The following CLASP1 variants were observed in gnomAD, a reference collection of about 807,000 sequenced individuals.
CLASP1 encodes cytoplasmic linker associated protein 1, also known as CLIP-associating protein 1.
A neutral mutation model predicts 192.3 loss-of-function variants in CLASP1; 38 were observed. The ratio of observed to expected loss-of-function variants is 0.20; its 90% confidence interval spans 0.15 to 0.26. The LOEUF (loss-of-function observed/expected upper bound fraction) is 0.26, where lower values mean the gene tolerates loss of function less well. Ranked by LOEUF, CLASP1 falls within the 10% of genes least tolerant of loss-of-function variation. CLASP1 has a pLI of 1.00. For missense variants in CLASP1, 1,433 were observed against 1,932.5 expected (o/e 0.74, Z 4.85); for synonymous variants, 691 against 712.8 (o/e 0.97, Z 0.49).
intron 4 of CLASP1, 136 bp downstream of exon 4, chr2:121,528,541 T>A: frequency 7.4e-6 from 5 of 678,368 alleles, no homozygotes; most frequent in Non-Finnish European, 1.3e-5. Context: ...GATTGAATGC[T>A]GTGAAAATTT....
chr2:121,629,119 C>T (rs1222038675), intron 1 of CLASP1, among the ~76,000 whole-genome samples: 2 of 152,048 alleles, frequency 1.3e-5, no homozygotes, highest in Non-Finnish European at 2.9e-5. Context: ...TTGCCGGGCG[C>T]GGTGTCTCAG....
intron 26 of CLASP1, chr2:121,403,778 C>CT: frequency 2.1e-6 from 1 of 468,458 alleles, no homozygotes; most frequent in South Asian, 1.5e-5. Flanking sequence ...AGCTGGGACT[C>CT]TCTCATCAAA....
chr2:121,382,225 C>A, exon 33 of CLASP1: 1 of 1,608,564 alleles, frequency 6.2e-7, no homozygotes, highest in Non-Finnish European at 8.5e-7. Context: ...AGTAAGAGCG[C>A]CTGAGAGCCT....
intron 20 of CLASP1, among the ~76,000 whole-genome samples, chr2:121,429,618 G>C (rs2081036676): frequency 6.6e-6 from 1 of 152,218 alleles, no homozygotes; most frequent in African/African-American, 2.4e-5. Context: ...CAGGAAGAGA[G>C]GTGCGGGCTG....
exon 32 of CLASP1, chr2:121,387,124 T>G (rs948530482): frequency 6.2e-7 from 1 of 1,613,152 alleles, no homozygotes; most frequent in East Asian, 2.2e-5. Flanking sequence ...GACCTTACCT[T>G]GGAGACAGAC....
chr2:121,612,237 AGAG>A (rs1296291517), intron 1 of CLASP1, among the ~76,000 whole-genome samples: 2 of 144,116 alleles, frequency 1.4e-5, no homozygotes, highest in East Asian at 2.2e-4. Flanking sequence ...TATAGGAGGA[AGAG>A]GAGCATGAGG....
At chr2:121,603,223 A>T (rs1559740966) in intron 2 of CLASP1, 2 of 151,690 alleles carry the variant, frequency 1.3e-5, no homozygotes, top group African/African-American at 4.9e-5. Context: ...GAAAAAAAAA[A>T]TTATATATAT....
intron 19 of CLASP1, among the ~76,000 whole-genome samples, chr2:121,446,499 C>T (rs2084370426): frequency 6.6e-6 from 1 of 152,234 alleles, no homozygotes; most frequent in Admixed American, 6.5e-5. Context: ...ACATGAGTAA[C>T]TCCACCTCAA....
intron 1 of CLASP1, among the ~76,000 whole-genome samples, chr2:121,618,703 A>G (rs1442646473): frequency 6.6e-6 from 1 of 152,216 alleles, no homozygotes; most frequent in Admixed American, 6.5e-5. Flanking sequence ...GTGTTTCTAA[A>G]TTCTTAATTT....
At chr2:121,631,117 C>T (rs540990347) in intron 1 of CLASP1, among the ~76,000 whole-genome samples, 1 of 128,468 alleles carries the variant, frequency 7.8e-6, no homozygotes, top group Admixed American at 9.3e-5. Context: ...CGAGATTGCG[C>T]CATTACGCTC....
Position 121,345,845 on chromosome 2 carries a change from C to T in CLASP1, c.4530+1193G>A, listed in dbSNP as rs1200114380. On this transcript the variant is annotated intron_variant, in intron 39 of 39. Transcript: ENST00000263710. ...GGGCATCTGGCCAGGTGTGAGACAGCAGTGATGGGTGCTATTGGCACATGT... is the reference window on the plus strand; with the variant it reads ...GGGCATCTGGCCAGGTGTGAGACAGTAGTGATGGGTGCTATTGGCACATGT... 6.6e-5 allele frequency among the ~76,000 whole-genome samples: 10 copies of T among 152,296 alleles called. No homozygotes were observed. The East Asian group carries it at 1.7e-3, about 26-fold the overall frequency.
At chr2:121,376,526 T>TGGGGGGGGGAGGGGGG (rs2070201822) in intron 34 of CLASP1, among the ~76,000 whole-genome samples, 4 of 105,132 alleles carry the variant, frequency 3.8e-5, no homozygotes, top group Admixed American at 1.0e-4. Flanking sequence ...TGGGAAGGGG[T>TGGGGGGGGGAGGGGGG]GGGGGGGGGG....
chr2:121,399,987 C>G (rs982216699), intron 28 of CLASP1, among the ~76,000 whole-genome samples: 3 of 152,012 alleles, frequency 2.0e-5, no homozygotes, highest in Non-Finnish European at 2.9e-5. Context: ...CCCAATGTGG[C>G]CACAACCGGC....
intron 22 of CLASP1, among the ~76,000 whole-genome samples, chr2:121,423,722 A>G (rs1183799992): frequency 6.6e-6 from 1 of 152,206 alleles, no homozygotes; most frequent in Admixed American, 6.5e-5. Flanking sequence ...CCACATCAAC[A>G]CCCAAATAAC....
At chr2:121,346,125 A>G (rs766536506) in intron 39 of CLASP1, among the ~76,000 whole-genome samples, 1 of 152,216 alleles carries the variant, frequency 6.6e-6, no homozygotes, top group African/African-American at 2.4e-5. Flanking sequence ...TCCTCCTCTC[A>G]TAAGAGCAGG....
At chr2:121,648,333 A>G (rs2073562931) in intron 1 of CLASP1, among the ~76,000 whole-genome samples, 1 of 152,224 alleles carries the variant, frequency 6.6e-6, no homozygotes, top group Non-Finnish European at 1.5e-5. Flanking sequence ...CCAAAGGACT[A>G]GAGAATCTGA....
intron 8 of CLASP1, among the ~76,000 whole-genome samples, chr2:121,492,249 C>T (rs1457639950): frequency 4.6e-5 from 7 of 151,526 alleles, no homozygotes; most frequent in Non-Finnish European, 1.0e-4. Flanking sequence ...ATTAGCCGGG[C>T]GTGGTGGCGG....
intron 30 of CLASP1, among the ~76,000 whole-genome samples, chr2:121,394,902 A>G (rs553907216): frequency 9.2e-5 from 14 of 152,264 alleles, no homozygotes; most frequent in Admixed American, 9.2e-4. Context: ...CAAAAAAACA[A>G]ATTTTTTTAG....
chr2:121,449,168 G>T, intron 16 of CLASP1, 48 bp from the exon 17 acceptor site: 1 of 1,559,290 alleles, frequency 6.4e-7, no homozygotes, highest in Non-Finnish European at 8.8e-7. Flanking sequence ...ATCCAAACAG[G>T]TCTTTTGCTG....
Sources: gnomAD v4.1 joint callset for allele counts (sites outside exome capture counted in the v4.1 genomes callset) on GRCh38, gnomAD v4.1.1 for gene constraint, MANE v1.5 for transcripts, NCBI Gene and HGNC (gene_info 2026-07-23, HGNC 2026-07-21) for gene names.